Variants in SLC24A4 observed in about 807,000 individuals in gnomAD.
SLC24A4 encodes the protein solute carrier family 24 member 4, also known as sodium/potassium/calcium exchanger 4.
Under a neutral mutation model 79.0 loss-of-function variants are expected in SLC24A4, and 53 were observed. The ratio of observed to expected loss-of-function variants is 0.67; its 90% CI spans 0.54 to 0.84. SLC24A4 has a LOEUF of 0.84. Ranked by LOEUF, SLC24A4 falls within the 40% of genes least tolerant of loss-of-function variation. The pLI is 0.00. For synonymous variants in SLC24A4, 323 were observed against 323.8 expected (o/e 1.00, Z 0.03); for missense variants, 731 against 822.0 (o/e 0.89, Z 1.35).
At chr14:92,372,085 GC>G in intron 2 of SLC24A4, among the ~76,000 whole-genome samples, 1 of 152,348 alleles carries the variant, frequency 6.6e-6, no homozygotes, top group Non-Finnish European at 1.5e-5. Context: ...TGTGATTCCA[GC>G]CAGCTGCAGC....
rs1191506930 is a variant in SLC24A4 at position 92,501,264 on chromosome 14, G to A, written c.*7636G>A. 6.6e-6 allele frequency: 1 copy of A among 152,134 alleles called. No homozygotes were observed. Among genetic ancestry groups the A allele is most frequent in the East Asian group, 1.9e-4 (1 of 5,204 alleles). 9.4% of individuals were successfully genotyped at this position (152,134 alleles called of 1,614,324 possible). ...CAATAACTGTGACCTCCTGCACTGT[G>A]AATGCTCTGTGACATGAGATTCTTA... is the stretch of plus-strand genomic sequence containing the variant. On this transcript the variant is annotated 3_prime_UTR_variant, in exon 17 of 17. Coordinates refer to ENST00000532405, the MANE Select transcript of SLC24A4 (RefSeq NM_153646.4).
chr14:92,493,789 G>A lies in SLC24A4; in HGVS notation c.*161G>A. On this transcript the variant is annotated 3_prime_UTR_variant, in exon 17 of 17. Coordinates refer to ENST00000532405, the MANE Select transcript of SLC24A4 (RefSeq NM_153646.4). ...CCATCGTGGTCTTTGTCTGGCCACA[G>A]GCCAGGCTGCTGGGCATCCTCCTCC... 1 of 861,692 alleles carries A rather than the reference G, an allele frequency of 1.2e-6. No homozygotes were observed. 53.4% of individuals were successfully genotyped at this position (861,692 alleles called of 1,614,324 possible).
rs2141649190 is a variant in SLC24A4 at position 92,353,398 on chromosome 14, A to G, written c.241+27420A>G. On this transcript the variant is annotated intron_variant, in intron 2 of 16. Coordinates refer to ENST00000532405, the MANE Select transcript of SLC24A4 (RefSeq NM_153646.4). The surrounding 1 kb of genome is among the most constrained non-coding windows in gnomAD (Gnocchi z 4.1). ...GTTGTAGCGCAAGAGGGCAAAAAGC[A>G]TTGTTGCCATGAGTGGCTTAGAAGT... 6.6e-6 allele frequency among the ~76,000 whole-genome samples: 1 copy of G among 152,352 alleles called. No homozygotes were observed. The highest frequency in any genetic ancestry group is 1.9e-4 in the East Asian group (1 of 5,188).
Position 92,453,896 on chromosome 14 carries a change from A to T in SLC24A4, c.881-4A>T, listed in dbSNP as rs749856669. ...AGCACTAATCACGGTGTTGCGCTCA[A>T]CAGTGAAGGAGAAGCCACAGTATGG... On this transcript the variant is annotated splice_polypyrimidine_tract_variant and splice_region_variant and intron_variant, in intron 10 of 16. Transcript: ENST00000532405. 3 of 1,608,050 alleles carry T rather than the reference A, an allele frequency of 1.9e-6. No homozygotes were observed. Among genetic ancestry groups the T allele is most frequent in the South Asian group, 2.2e-5 (2 of 90,016 alleles).
chr14:92,471,569 C>T (rs1231471712), intron 12 of SLC24A4, among the ~76,000 whole-genome samples: 2 of 152,072 alleles, frequency 1.3e-5, no homozygotes, highest in East Asian at 3.8e-4. Context: ...TATTATACAC[C>T]CAACCCAGGG....
chr14:92,444,932 TACACACACACAC>T lies in SLC24A4; in HGVS notation c.658-356_658-345del, dbSNP rs10548937. Among the ~76,000 whole-genome samples, 204 of 142,942 alleles carry T rather than the reference TACACACACACAC, an allele frequency of 1.4e-3. 2 individuals are homozygous for T. Among genetic ancestry groups the T allele is most frequent in the African/African-American group, 4.4e-3 (172 of 39,364 alleles). The allele number at this position is 142,942 out of a possible 152,430, so 93.8% of individuals were successfully genotyped here. On this transcript the variant is annotated intron_variant, in intron 7 of 16. Transcript: ENST00000532405. ...CACACACACCCTATATACACACACA[TACACACACACAC>T]ACACACACACACACACACACACACA...
At chr14:92,408,524 G>A (rs1890532283) in intron 2 of SLC24A4, 2 of 660,008 alleles carry the variant, frequency 3.0e-6, no homozygotes, top group Non-Finnish European at 3.8e-6. Context: ...AAAACCTCCC[G>A]TGGATTGGAG....
In SLC24A4 at chr14:92,492,488, CT is replaced by C. The variant is rs144582698; in HGVS notation, c.1716+249del. Among the ~76,000 whole-genome samples, 1,062 of 152,308 alleles carry C rather than the reference CT, an allele frequency of 7.0e-3. 49 individuals carry two copies. In the East Asian group the frequency reaches 0.12, roughly 17 times the overall value. On this transcript the variant is annotated intron_variant, in intron 16 of 16. Transcript: ENST00000532405. ...GAAGCGAATTGCATTTCCTTTCTTGCTGCCTGGTCCAGTTCCTCTCTAGTGC... is the reference window on the plus strand; with the variant it reads ...GAAGCGAATTGCATTTCCTTTCTTGCGCCTGGTCCAGTTCCTCTCTAGTGC...
At chr14:92,481,197 T>A (rs1952332) in intron 12 of SLC24A4, among the ~76,000 whole-genome samples, 138,421 of 152,240 alleles carry the variant, frequency 0.91, 63,910 homozygotes, top group Non-Finnish European at 0.99. Flanking sequence ...TGAGCATGTG[T>A]AGAACCCTGG....
rs955418775 is a variant in SLC24A4 at position 92,362,262 on chromosome 14, C to G, written c.241+36284C>G. On this transcript the variant is annotated intron_variant, in intron 2 of 16. Transcript: ENST00000532405. The stretch of plus-strand genomic sequence containing the variant: ...TTTCCTCCCCGGCTCTTTGGGGTCT[C>G]TGGAGAGCCTCGGAGCTCCATTTCC... Among the ~76,000 whole-genome samples, 4 of 151,952 alleles carry G rather than the reference C, an allele frequency of 2.6e-5. No individual in the cohort carries two copies. The East Asian group carries it at 7.7e-4, about 29-fold the overall frequency.
In SLC24A4 at chr14:92,331,259, G is replaced by A. The variant is rs151311993; in HGVS notation, c.241+5281G>A. Among the ~76,000 whole-genome samples, 168 of 152,208 alleles carry A rather than the reference G, an allele frequency of 1.1e-3. 1 individual carries two copies. Among genetic ancestry groups the A allele is most frequent in the East Asian group, 4.8e-3 (25 of 5,186 alleles). On this transcript the variant is annotated intron_variant, in intron 2 of 16. Coordinates refer to ENST00000532405, the MANE Select transcript of SLC24A4 (RefSeq NM_153646.4). ...CATGGCATCTTGTTTTTAGCTCCTT[G>A]CAGGTGCTAATTCTTAATTTTATTT...
At chr14:92,457,074 G>A (rs1231421777) in intron 12 of SLC24A4, among the ~76,000 whole-genome samples, 1 of 152,338 alleles carries the variant, frequency 6.6e-6, no homozygotes, top group South Asian at 2.1e-4. Flanking sequence ...GTCATACCTT[G>A]TGTGTTTGAA....
At chr14:92,351,302 G>A (rs1295458480) in intron 2 of SLC24A4, among the ~76,000 whole-genome samples, 2 of 151,518 alleles carry the variant, frequency 1.3e-5, no homozygotes, top group African/African-American at 4.9e-5. Flanking sequence ...TAAATTATAG[G>A]CGTCCTAAAG....
At chr14:92,444,958 C>T (rs1405416223) in intron 7 of SLC24A4, among the ~76,000 whole-genome samples, 4 of 150,208 alleles carry the variant, frequency 2.7e-5, no homozygotes, top group Non-Finnish European at 5.9e-5. Flanking sequence ...CACACACACA[C>T]ACACACACAC....
chr14:92,377,428 G>A (rs1445100515), intron 2 of SLC24A4, among the ~76,000 whole-genome samples: 3 of 152,246 alleles, frequency 2.0e-5, no homozygotes. Context: ...AAGCTGGAGG[G>A]AGAGCTGTTT....
intron 12 of SLC24A4, among the ~76,000 whole-genome samples, chr14:92,471,909 A>G (rs1279958433): frequency 6.6e-6 from 1 of 152,206 alleles, no homozygotes; most frequent in Non-Finnish European, 1.5e-5. Context: ...AATTCACATT[A>G]GCAAAAAGTG....
At chr14:92,467,544 T>C (rs1894190212) in intron 12 of SLC24A4, among the ~76,000 whole-genome samples, 1 of 152,194 alleles carries the variant, frequency 6.6e-6, no homozygotes, top group Non-Finnish European at 1.5e-5. Context: ...AGTTTTCTTA[T>C]ATTCTAAGGT....
chr14:92,359,339 GC>G (rs1288317138), intron 2 of SLC24A4, among the ~76,000 whole-genome samples: 1 of 152,124 alleles, frequency 6.6e-6, no homozygotes, highest in Admixed American at 6.5e-5. Context: ...ACTTTGGGAG[GC>G]CAAGGCAGGC....
intron 2 of SLC24A4, among the ~76,000 whole-genome samples, chr14:92,369,599 C>T (rs796073283): frequency 2.0e-5 from 3 of 152,242 alleles, no homozygotes; most frequent in Admixed American, 6.5e-5. Context: ...ATGTGCTGTA[C>T]GTTAGATAAT....
Sources: gnomAD v4.1 joint callset for allele counts (sites outside exome capture counted in the v4.1 genomes callset) on GRCh38, gnomAD v4.1.1 for gene constraint, Gnocchi (gnomAD v3.1) non-coding constraint, MANE v1.5 for transcripts, NCBI Gene and HGNC (gene_info 2026-07-23, HGNC 2026-07-21) for gene names.